Variants in IKZF2 observed in about 807,000 individuals in gnomAD.
IKZF2 encodes IKAROS family zinc finger 2.
IKZF2 carries 15 observed loss-of-function variants against 49.2 expected under a neutral mutation model. That is an observed-to-expected ratio of 0.30 (90% CI 0.20 to 0.47). The LOEUF is 0.47. IKZF2 is among the 20% of genes least tolerant of loss of function. The pLI is 1.00. For synonymous variants in IKZF2, 227 were observed against 221.4 expected, an observed-to-expected ratio of 1.03 and a Z score of -0.23; for missense variants, 567 against 664.6, an observed-to-expected ratio of 0.85 and a Z score of 1.61.
chr2:213,123,721 A>T (rs1178711312), intron 4 of IKZF2, among the ~76,000 whole-genome samples: 2 of 152,226 alleles, frequency 1.3e-5, no homozygotes, highest in Admixed American at 1.3e-4. Flanking sequence ...CATACTTAAC[A>T]TGCTTTACTT....
chr2:213,123,827 A>C (rs994136235), intron 4 of IKZF2, among the ~76,000 whole-genome samples: 1 of 152,126 alleles, frequency 6.6e-6, no homozygotes, highest in Non-Finnish European at 1.5e-5. Flanking sequence ...ATAGTATTCT[A>C]AATACAAGGG....
At chr2:213,045,830 T>A (rs1415981116) in intron 6 of IKZF2, among the ~76,000 whole-genome samples, 2 of 152,142 alleles carry the variant, frequency 1.3e-5, no homozygotes, top group Non-Finnish European at 2.9e-5. Flanking sequence ...TAGACCATAT[T>A]TGGGTATACT....
chr2:213,032,319 T>C (rs1698525316), intron 6 of IKZF2, among the ~76,000 whole-genome samples: 1 of 152,182 alleles, frequency 6.6e-6, no homozygotes, highest in Admixed American at 6.5e-5. Context: ...TATATCCTGA[T>C]AAAGTGGGTC....
At chr2:213,121,489 C>T (rs2060055721) in intron 4 of IKZF2, among the ~76,000 whole-genome samples, 1 of 152,178 alleles carries the variant, frequency 6.6e-6, no homozygotes, top group African/African-American at 2.4e-5. Context: ...AATGTGGAAG[C>T]TGGAGTTCTG....
chr2:213,036,910 T>C (rs1370987612), intron 6 of IKZF2, among the ~76,000 whole-genome samples: 1 of 151,942 alleles, frequency 6.6e-6, no homozygotes, highest in African/African-American at 2.4e-5. Flanking sequence ...ATGGTAAAGG[T>C]TAGGTTAGAA....
chr2:213,140,277 A>C (rs2060821079), intron 4 of IKZF2, among the ~76,000 whole-genome samples: 2 of 151,988 alleles, frequency 1.3e-5, no homozygotes, highest in Non-Finnish European at 2.9e-5. Flanking sequence ...TTAAGATGTT[A>C]TCTATGCTAT....
At chr2:213,099,999 A>C (rs1314554855) in intron 4 of IKZF2, among the ~76,000 whole-genome samples, 1 of 152,134 alleles carries the variant, frequency 6.6e-6, no homozygotes, top group East Asian at 1.9e-4. Flanking sequence ...TTATCCACAT[A>C]AGTTACTAAT....
At chr2:213,090,554 T>A (rs148979755) in intron 4 of IKZF2, among the ~76,000 whole-genome samples, 1 of 152,286 alleles carries the variant, frequency 6.6e-6, no homozygotes, top group East Asian at 1.9e-4. Flanking sequence ...TCATACTCTT[T>A]TCACCAAAAA....
intron 6 of IKZF2, among the ~76,000 whole-genome samples, chr2:213,043,944 C>T (rs1699903398): frequency 6.6e-6 from 1 of 152,184 alleles, no homozygotes; most frequent in Admixed American, 6.5e-5. Flanking sequence ...TAATCTGTGG[C>T]ACATTCTCTG....
chr2:213,009,355 G>T (rs928984948), intron 8 of IKZF2, among the ~76,000 whole-genome samples: 11 of 152,084 alleles, frequency 7.2e-5, no homozygotes, highest in African/African-American at 2.7e-4. Context: ...TACAAATTCT[G>T]TCCCTAAGAC....
chr2:213,138,100 T>C (rs1437944966), intron 4 of IKZF2, among the ~76,000 whole-genome samples: 1 of 152,102 alleles, frequency 6.6e-6, no homozygotes, highest in Non-Finnish European at 1.5e-5. Context: ...AAAAGCTAAT[T>C]GAAGCATTCC....
chr2:213,118,560 T>C (rs1458701058), intron 4 of IKZF2, among the ~76,000 whole-genome samples: 2 of 152,210 alleles, frequency 1.3e-5, no homozygotes, highest in Non-Finnish European at 2.9e-5. Flanking sequence ...TGAAAGAATA[T>C]TAATCAAAGT....
At chr2:213,112,469 T>C (rs1474790349) in intron 4 of IKZF2, among the ~76,000 whole-genome samples, 1 of 138,468 alleles carries the variant, frequency 7.2e-6, no homozygotes, top group African/African-American at 2.8e-5. Flanking sequence ...TCCTTCTTTC[T>C]TTTTTTTTTA....
intron 4 of IKZF2, among the ~76,000 whole-genome samples, chr2:213,088,076 G>T (rs913669321): frequency 3.3e-5 from 5 of 152,168 alleles, no homozygotes; most frequent in African/African-American, 9.7e-5. Flanking sequence ...CTGAGGAATT[G>T]CCACACTGTC....
At chr2:213,151,877 G>T (rs2061293498), upstream of IKZF2, among the ~76,000 whole-genome samples, 1 of 150,388 alleles carries the variant, frequency 6.6e-6, no homozygotes, top group East Asian at 1.9e-4. Context: ...GCGGGCTGGC[G>T]GGCGCGTGTG....
chr2:213,107,012 G>A (rs1025926546), intron 4 of IKZF2, among the ~76,000 whole-genome samples: 2 of 151,978 alleles, frequency 1.3e-5, no homozygotes, highest in Non-Finnish European at 2.9e-5. Flanking sequence ...ATTATAATGG[G>A]GAAAATCATA....
intron 6 of IKZF2, among the ~76,000 whole-genome samples, chr2:213,034,642 G>A (rs187295224): frequency 5.3e-4 from 81 of 152,286 alleles, no homozygotes; most frequent in Non-Finnish European, 1.0e-3. Flanking sequence ...AGCCTGTATA[G>A]GTGTGGTTCG....
chr2:213,125,752 G>A (rs528289948), intron 4 of IKZF2, among the ~76,000 whole-genome samples: 2 of 152,132 alleles, frequency 1.3e-5, no homozygotes, highest in Non-Finnish European at 2.9e-5. Context: ...AGTGAATGAG[G>A]AGCAAATTAA....
chr2:213,138,706 C>G (rs2060764634), intron 4 of IKZF2, among the ~76,000 whole-genome samples: 1 of 151,988 alleles, frequency 6.6e-6, no homozygotes, highest in Non-Finnish European at 1.5e-5. Context: ...AATCTATATG[C>G]TTTGAAAAGT....
Sources: gnomAD v4.1 joint callset for allele counts (sites outside exome capture counted in the v4.1 genomes callset) on GRCh38, gnomAD v4.1.1 for gene constraint, MANE v1.5 for transcripts, NCBI Gene and HGNC (gene_info 2026-07-23, HGNC 2026-07-21) for gene names.